Variants in LONP2 observed in about 807,000 individuals in gnomAD.
The protein encoded by LONP2 is lon peptidase 2, peroxisomal.
In LONP2, 60 loss-of-function variants were observed where a neutral mutation model predicts 85.6. The observed-to-expected ratio is 0.70, with a 90% CI of 0.57 to 0.87. The LOEUF (loss-of-function observed/expected upper bound fraction) is 0.87. LONP2 is among the 40% of genes least tolerant of loss of function. The probability of loss-of-function intolerance (pLI) is 0.00; values close to 1 mark genes in which losing one functional copy is unlikely to be tolerated. For synonymous variants in LONP2, 395 were observed against 389.7 expected, an observed-to-expected ratio of 1.01 and a Z score of -0.16; for missense variants, 860 against 1,063.5, an observed-to-expected ratio of 0.81 and a Z score of 2.66.
intron 1 of LONP2, among the ~76,000 whole-genome samples, chr16:48,251,012 G>A (rs1971632243): frequency 6.6e-6 from 1 of 152,202 alleles, no homozygotes; most frequent in African/African-American, 2.4e-5. Context: ...GTAAGAAAAG[G>A]ATAGACGTAG....
At chr16:48,342,248 GGAA>G (rs1415584383) in intron 12 of LONP2, among the ~76,000 whole-genome samples, 3 of 152,158 alleles carry the variant, frequency 2.0e-5, no homozygotes, top group Non-Finnish European at 2.9e-5. Context: ...AAATAATAAA[GGAA>G]GAAGAGGATA....
At chr16:48,306,128 A>AG (rs1252087595) in intron 11 of LONP2, among the ~76,000 whole-genome samples, 5 of 152,206 alleles carry the variant, frequency 3.3e-5, no homozygotes, top group Non-Finnish European at 5.9e-5. Flanking sequence ...AACTGAGCCT[A>AG]GGTCTTTTTA....
In LONP2 at chr16:48,290,732, G is replaced by A. The variant is rs1180385955; in HGVS notation, c.1384-5283G>A. ...TGTGCTCAAATTCACCTTCCTGGAA[G>A]CTTCCTGACCTCAGTCCTTTCGGGT... On this transcript the variant is annotated intron_variant, in intron 8 of 14. Transcript: ENST00000285737. Among the ~76,000 whole-genome samples the A allele has an allele frequency of 2.0e-5, 3 of 152,210 alleles. No homozygotes were observed. The East Asian group carries it at 5.8e-4, about 29-fold the overall frequency.
At position 48,351,616 on chromosome 16, in the gene LONP2, C is replaced by G; in HGVS notation, c.2373C>G (p.His791Gln). 1 of 1,613,972 alleles carries G rather than the reference C, an allele frequency of 6.2e-7. No individual in the cohort carries two copies. The highest frequency in any genetic ancestry group is 8.5e-7 in the Non-Finnish European group (1 of 1,179,952). The change falls in exon 15 of 15, where the codon CAC (histidine) becomes CAG (glutamine). Residue 791 changes from histidine (H) to glutamine (Q), a missense_variant. Coordinates refer to ENST00000285737, the MANE Select transcript of LONP2 (RefSeq NM_031490.5). ...GGIKDKVLAA[H>Q]RAGLKQVIIP... Reference sequence around the variant, plus strand: ...TTAAAGACAAAGTGCTGGCGGCACACAGAGCGGGACTGAAGCAAGTCATTA... The same window carrying G: ...TTAAAGACAAAGTGCTGGCGGCACAGAGAGCGGGACTGAAGCAAGTCATTA...
chr16:48,251,826 T>C (rs1308809419), intron 1 of LONP2, among the ~76,000 whole-genome samples: 4 of 152,228 alleles, frequency 2.6e-5, no homozygotes, highest in Non-Finnish European at 5.9e-5. Flanking sequence ...TAATTTAAGA[T>C]ATGTAATTCT....
At chr16:48,287,051 A>G (rs776222034) in intron 8 of LONP2, among the ~76,000 whole-genome samples, 1 of 152,186 alleles carries the variant, frequency 6.6e-6, no homozygotes, top group Non-Finnish European at 1.5e-5. Context: ...GAAGTTGCTC[A>G]GTTTGTTTAG....
chr16:48,347,732 G>A lies in LONP2; in HGVS notation c.2146+18G>A. ...GACCAATGGTAGGAGCCTGCACCCG[G>A]CCAGGCAGGCGTGACCCAGGAGGCG... On this transcript the variant is annotated intron_variant, in intron 13 of 14. Transcript: ENST00000285737. The A allele has an allele frequency of 6.2e-7, 1 of 1,603,948 alleles. No individual in the cohort carries two copies. Among genetic ancestry groups the A allele is most frequent in the Non-Finnish European group, 8.5e-7 (1 of 1,176,108 alleles).
At chr16:48,267,037 C>T (rs1376659883) in intron 6 of LONP2, among the ~76,000 whole-genome samples, 1 of 152,144 alleles carries the variant, frequency 6.6e-6, no homozygotes, top group East Asian at 1.9e-4. Context: ...GTAATGTTTG[C>T]ATGTCGTGAC....
intron 7 of LONP2, 27 bp from the exon 8 acceptor site, chr16:48,277,311 T>G: frequency 6.2e-7 from 1 of 1,606,764 alleles, no homozygotes; most frequent in African/African-American, 1.3e-5. Context: ...CATCTCACAC[T>G]GTGAATGTGC....
At chr16:48,268,713 G>A (rs943108611) in intron 6 of LONP2, among the ~76,000 whole-genome samples, 1 of 152,052 alleles carries the variant, frequency 6.6e-6, no homozygotes, top group African/African-American at 2.4e-5. Context: ...AGCCAGGAAA[G>A]GGGGAAGAAA....
chr16:48,306,312 C>A (rs1972910547), intron 11 of LONP2, among the ~76,000 whole-genome samples: 1 of 152,212 alleles, frequency 6.6e-6, no homozygotes, highest in African/African-American at 2.4e-5. Flanking sequence ...AATGTTTATA[C>A]ATACATCCAT....
intron 6 of LONP2, among the ~76,000 whole-genome samples, chr16:48,265,628 C>T (rs58952249): frequency 0.014 from 2,102 of 152,242 alleles, 48 homozygotes; most frequent in African/African-American, 0.047. Context: ...ACTGTAGCTT[C>T]GTAATATAAC....
Position 48,263,822 on chromosome 16 carries a change from A to G in LONP2, c.982+950A>G, listed in dbSNP as rs145995101. On this transcript the variant is annotated intron_variant, in intron 6 of 14. Coordinates refer to ENST00000285737, the MANE Select transcript of LONP2 (RefSeq NM_031490.5). ...TGTTATCGGGGGACCTGCCCCAATA[A>G]TCATGTAGGTTCTTTTCTATTTTCC... 3.9e-5 allele frequency among the ~76,000 whole-genome samples: 6 copies of G among 152,320 alleles called. No individual in the cohort carries two copies. In the East Asian group the frequency reaches 1.2e-3, roughly 29 times the overall value.
chr16:48,305,294 G>A (rs1377317763), intron 11 of LONP2, among the ~76,000 whole-genome samples: 2 of 151,926 alleles, frequency 1.3e-5, no homozygotes, highest in African/African-American at 4.8e-5. Flanking sequence ...TCGCTCTGTC[G>A]TCCAGGCTGG....
downstream of LONP2, among the ~76,000 whole-genome samples, chr16:48,359,008 C>T (rs1049239828): frequency 1.3e-5 from 2 of 152,198 alleles, no homozygotes; most frequent in Non-Finnish European, 2.9e-5. Flanking sequence ...GTTTTTTGAG[C>T]CAAGAGTCTC....
At position 48,362,703 on chromosome 16, in the gene LONP2, A is replaced by T; in HGVS notation, c.*840A>T. The T allele has an allele frequency of 3.1e-6, 1 of 319,328 alleles. No homozygotes were observed. The highest frequency in any genetic ancestry group is 6.1e-6 in the Non-Finnish European group (1 of 163,944). The allele number at this position is 319,328 out of a possible 1,614,324, so 19.8% of individuals were successfully genotyped here. On this transcript the variant is annotated 3_prime_UTR_variant, in exon 5 of 5. Transcript: ENST00000565867. This position sits in a 1 kb window ranked among gnomAD's most constrained non-coding sequence, Gnocchi z 4.2. ...AATCGTCTTTGGATAGACTACATAG[A>T]ATAATAAATGCTAAAATAGAAAATG...
At chr16:48,286,203 G>A (rs554251960) in intron 8 of LONP2, among the ~76,000 whole-genome samples, 11 of 148,800 alleles carry the variant, frequency 7.4e-5, no homozygotes, top group African/African-American at 1.5e-4. Context: ...GTGCAGTGGC[G>A]GGATCTTGGC....
intron 11 of LONP2, among the ~76,000 whole-genome samples, chr16:48,324,276 A>T (rs1973324970): frequency 6.6e-6 from 1 of 152,168 alleles, no homozygotes; most frequent in Admixed American, 6.6e-5. Context: ...AAACCACTTG[A>T]TTGTTTGTAT....
chr16:48,312,243 C>G (rs1973048778), intron 11 of LONP2, among the ~76,000 whole-genome samples: 1 of 151,988 alleles, frequency 6.6e-6, no homozygotes. Context: ...GTATCCAGCC[C>G]CTGATAGCTT....
Sources: allele counts gnomAD v4.1 joint callset (sites outside exome capture counted in the v4.1 genomes callset), GRCh38; gene constraint gnomAD v4.1.1; non-coding constraint Gnocchi (gnomAD v3.1); transcripts MANE v1.5; gene names NCBI Gene and HGNC (gene_info 2026-07-23, HGNC 2026-07-21).